The following OXR1 variants were observed in gnomAD, a reference collection of about 807,000 sequenced individuals.
OXR1 encodes the protein oxidation resistance 1, also known as oxidation resistance protein 1.
A neutral mutation model predicts 104.6 loss-of-function variants in OXR1; 41 were observed. That is an observed-to-expected ratio of 0.39 (90% CI 0.31 to 0.51). The LOEUF (loss-of-function observed/expected upper bound fraction) is 0.51. Ranked by LOEUF, OXR1 falls within the 20% of genes least tolerant of loss-of-function variation. The pLI is 0.77. For missense variants in OXR1, 955 were observed against 1,031.9 expected, an observed-to-expected ratio of 0.93 and a Z score of 1.02; for synonymous variants, 348 against 348.4, an observed-to-expected ratio of 1.00 and a Z score of 0.01.
chr8:106,752,502 T>A lies in OXR1; in HGVS notation c.*1561T>A, dbSNP rs1835955463. The A allele has an allele frequency of 6.6e-6, 1 of 152,520 alleles. No individual in the cohort carries two copies. The highest frequency in any genetic ancestry group is 1.5e-5 in the Non-Finnish European group (1 of 67,936). The allele number at this position is 152,520 out of a possible 1,614,324, so 9.4% of individuals were successfully genotyped here. ...TTGTCTCATTATAAGTTAGTAACAA[T>A]ATATAGATTAAATGTTTACAATATA... On this transcript the variant is annotated 3_prime_UTR_variant, in exon 17 of 17. Transcript: ENST00000517566.
chr8:106,537,427 G>A (rs1176482361), intron 3 of OXR1, among the ~76,000 whole-genome samples: 1 of 152,084 alleles, frequency 6.6e-6, no homozygotes, highest in East Asian at 1.9e-4. Context: ...AAAAACGGAG[G>A]AGCTCATATG....
At position 106,343,682 on chromosome 8, in the gene OXR1, A is replaced by G. The variant is rs147645794; in HGVS notation, c.-138-15794A>G. On this transcript the variant is annotated intron_variant, in intron 1 of 16. Transcript: ENST00000517566. The stretch of plus-strand genomic sequence containing the variant: ...GATTGGCCTGTATCCAAGCCACATG[A>G]AAGTTAAGGAAGGTGTATCCTCAAA... Among the ~76,000 whole-genome samples the G allele has an allele frequency of 8.4e-4, 128 of 152,348 alleles. 1 individual carries two copies. In the East Asian group the frequency reaches 0.014, roughly 16 times the overall value.
intron 2 of OXR1, among the ~76,000 whole-genome samples, chr8:106,364,269 T>C (rs1049587631): frequency 6.6e-6 from 1 of 152,228 alleles, no homozygotes; most frequent in African/African-American, 2.4e-5. Flanking sequence ...TGAATTATTC[T>C]CTTTATCCAA....
intron 11 of OXR1, among the ~76,000 whole-genome samples, chr8:106,722,568 C>G (rs1007318622): frequency 2.0e-5 from 3 of 152,116 alleles, no homozygotes; most frequent in Non-Finnish European, 4.4e-5. Context: ...TAGTACAATG[C>G]ATTACCCTCT....
intron 4 of OXR1, among the ~76,000 whole-genome samples, chr8:106,679,602 TG>T (rs1827946657): frequency 6.6e-6 from 1 of 152,082 alleles, no homozygotes; most frequent in South Asian, 2.1e-4. Context: ...TCTTTAGAAA[TG>T]TGATCTTCAT....
chr8:106,463,355 T>C (rs1214578669), intron 2 of OXR1, among the ~76,000 whole-genome samples: 1 of 152,124 alleles, frequency 6.6e-6, no homozygotes, highest in Admixed American at 6.6e-5. Flanking sequence ...TTAAGTCAGG[T>C]ATCAATCGAA....
intron 3 of OXR1, among the ~76,000 whole-genome samples, chr8:106,527,119 C>T (rs1386387183): frequency 6.6e-6 from 1 of 152,112 alleles, no homozygotes; most frequent in African/African-American, 2.4e-5. Flanking sequence ...CCCAGTATGC[C>T]TCTTTATAAA....
At chr8:106,671,818 T>G (rs1187890673) in intron 3 of OXR1, among the ~76,000 whole-genome samples, 1 of 76,364 alleles carries the variant, frequency 1.3e-5, no homozygotes, top group Non-Finnish European at 2.4e-5. Context: ...GGGCCTGTCG[T>G]GGGGTGGGGG....
intron 2 of OXR1, among the ~76,000 whole-genome samples, chr8:106,391,140 G>A (rs964320454): frequency 3.9e-5 from 6 of 152,148 alleles, no homozygotes; most frequent in Admixed American, 6.6e-5. Flanking sequence ...AAGATTGACC[G>A]TGAGTTGATA....
chr8:106,637,576 T>C (rs939353495), intron 3 of OXR1, among the ~76,000 whole-genome samples: 1 of 152,116 alleles, frequency 6.6e-6, no homozygotes, highest in African/African-American at 2.4e-5. Flanking sequence ...CTTCCAACCT[T>C]GGGGAGGAAA....
At position 106,495,133 on chromosome 8, in the gene OXR1, G is replaced by T. The variant is rs1330888652; in HGVS notation, c.24-23810G>T. 4.0e-5 allele frequency among the ~76,000 whole-genome samples: 6 copies of T among 151,526 alleles called. No individual in the cohort carries two copies. The East Asian group carries it at 1.2e-3, about 29-fold the overall frequency. On this transcript the variant is annotated intron_variant, in intron 2 of 16. Transcript: ENST00000517566. ...TGGTAATATGCATAGATATATAATA[G>T]TTATCTATTATTTAATATACATAGA...
At chr8:106,662,998 G>A (rs1825922012) in intron 3 of OXR1, among the ~76,000 whole-genome samples, 1 of 152,044 alleles carries the variant, frequency 6.6e-6, no homozygotes, top group Non-Finnish European at 1.5e-5. Flanking sequence ...GGAGCATTTT[G>A]GATGTTTGGA....
chr8:106,736,131 T>C (rs16875042), intron 11 of OXR1, among the ~76,000 whole-genome samples: 2,451 of 150,954 alleles, frequency 0.016, 36 homozygotes, highest in Admixed American at 0.047. Context: ...TATAACAAAA[T>C]TGATAGGCAA....
At chr8:106,599,155 A>T (rs963085594) in intron 3 of OXR1, among the ~76,000 whole-genome samples, 1 of 152,172 alleles carries the variant, frequency 6.6e-6, no homozygotes, top group Non-Finnish European at 1.5e-5. Context: ...CCTCCTTCTC[A>T]TGCACAATGA....
Position 106,667,586 on chromosome 8 carries a change from T to A in OXR1, c.221-11624T>A, listed in dbSNP as rs192739174. Among the ~76,000 whole-genome samples, 5 of 152,326 alleles carry A rather than the reference T, an allele frequency of 3.3e-5. No individual in the cohort carries two copies. The East Asian group carries it at 9.6e-4, about 29-fold the overall frequency. ...ATAAAATGACTGTGTGGCAAGGTCC[T>A]TGTGGAATAAATAAACTACTGGAAT... On this transcript the variant is annotated intron_variant, in intron 3 of 16. Transcript: ENST00000517566.
chr8:106,338,413 A>T (rs2130253864), intron 1 of OXR1, among the ~76,000 whole-genome samples: 1 of 152,008 alleles, frequency 6.6e-6, no homozygotes, highest in Non-Finnish European at 1.5e-5. Context: ...AAATACAAAA[A>T]TTAGCTGGGT....
intron 3 of OXR1, among the ~76,000 whole-genome samples, chr8:106,543,907 T>C (rs2130349939): frequency 6.6e-6 from 1 of 152,336 alleles, no homozygotes; most frequent in South Asian, 2.1e-4. Context: ...CCAAATCTTT[T>C]ATGAATAACT....
At chr8:106,660,652 T>A (rs1182129683) in intron 3 of OXR1, among the ~76,000 whole-genome samples, 1 of 152,136 alleles carries the variant, frequency 6.6e-6, no homozygotes, top group East Asian at 1.9e-4. Flanking sequence ...GAGGGAGTCA[T>A]GTTCAGCAAT....
At chr8:106,469,736 A>C (rs1431186430) in intron 2 of OXR1, among the ~76,000 whole-genome samples, 1 of 151,860 alleles carries the variant, frequency 6.6e-6, no homozygotes, top group Non-Finnish European at 1.5e-5. Context: ...TTAAAACAAA[A>C]GTGATATTCA....
Sources: allele counts gnomAD v4.1 joint callset (sites outside exome capture counted in the v4.1 genomes callset), GRCh38; gene constraint gnomAD v4.1.1; transcripts MANE v1.5; gene names NCBI Gene and HGNC (gene_info 2026-07-23, HGNC 2026-07-21).